Variants in GNAI2 observed in about 807,000 individuals in gnomAD.
GNAI2 encodes the protein G protein subunit alpha i2.
GNAI2 carries 4 observed loss-of-function variants against 36.8 expected under a neutral mutation model. The ratio of observed to expected loss-of-function variants is 0.11; its 90% CI spans 0.05 to 0.25. The LOEUF (loss-of-function observed/expected upper bound fraction) is 0.25, where lower values mean the gene tolerates loss of function less well. Among genes scored for constraint, GNAI2 ranks in the 10% least tolerant of loss-of-function variants. GNAI2 has a pLI of 1.00. For missense variants in GNAI2, 230 were observed against 481.3 expected, an observed-to-expected ratio of 0.48 and a Z score of 4.89; for synonymous variants, 194 against 194.1, an observed-to-expected ratio of 1.00 and a Z score of 0.01.
At chr3:50,231,680 G>A (rs781918478), upstream of GNAI2, among the ~76,000 whole-genome samples, 1 of 152,218 alleles carries the variant, frequency 6.6e-6, no homozygotes, top group African/African-American at 2.4e-5. Context: ...ATCTGGCTGG[G>A]GAAGGGGAAG....
At chr3:50,246,965 T>C in intron 1 of GNAI2, 1 of 1,507,024 alleles carries the variant, frequency 6.6e-7, no homozygotes, top group Non-Finnish European at 8.9e-7. Flanking sequence ...AATCAGCCTG[T>C]TAGCCGCTGT....
intron 1 of GNAI2, chr3:50,251,557 G>A (rs1453663825): frequency 3.9e-5 from 46 of 1,190,008 alleles, no homozygotes; most frequent in Non-Finnish European, 4.7e-5. Flanking sequence ...AGCGCAGTGA[G>A]CAGAGGGCGG....
intron 1 of GNAI2, among the ~76,000 whole-genome samples, chr3:50,249,230 C>A (rs781966351): frequency 6.6e-6 from 1 of 152,154 alleles, no homozygotes; most frequent in Admixed American, 6.5e-5. Context: ...TCCTGCAGTT[C>A]CCCCCATCCT....
intron 1 of GNAI2, chr3:50,251,898 C>T: frequency 1.0e-6 from 1 of 979,648 alleles, no homozygotes; most frequent in Non-Finnish European, 1.4e-6. Context: ...CACAGGTGCT[C>T]TAGGTTACCT....
At position 50,256,173 on chromosome 3, in the gene GNAI2, T is replaced by TTC; in HGVS notation, c.465-19_465-18insTC. 1.2e-5 allele frequency: 6 copies of TTC among 517,098 alleles called. No individual in the cohort carries two copies. Among genetic ancestry groups the TTC allele is most frequent in the Admixed American group, 8.9e-5 (3 of 33,542 alleles). 32.0% of individuals were successfully genotyped at this position (517,098 alleles called of 1,614,324 possible). On this transcript the variant is annotated intron_variant, in intron 4 of 8. Coordinates refer to ENST00000313601, the MANE Select transcript of GNAI2 (RefSeq NM_002070.4). The stretch of plus-strand genomic sequence containing the variant: ...GCCCCATGCTGGCCCCCACTGACCC[T>TTC]CCCACCCCCCATCCCCAGCTACCTG...
chr3:50,233,072 A>C (rs1553699953), upstream of GNAI2, among the ~76,000 whole-genome samples: 1 of 151,822 alleles, frequency 6.6e-6, no homozygotes, highest in East Asian at 1.9e-4. Context: ...CTGAGCCCCC[A>C]GAGTGGGAGG....
intron 1 of GNAI2, among the ~76,000 whole-genome samples, chr3:50,243,442 C>T (rs1347672516): frequency 6.6e-6 from 1 of 152,270 alleles, no homozygotes; most frequent in African/African-American, 2.4e-5. Flanking sequence ...AATGCAGCAA[C>T]AGCCCCGAGA....
intron 1 of GNAI2, chr3:50,251,785 T>C: frequency 7.6e-7 from 1 of 1,310,150 alleles, no homozygotes. Context: ...GGCTCCTTCA[T>C]GGCTGGCCAA....
At chr3:50,229,697 T>A (rs1700041155), upstream of GNAI2, 1 of 152,464 alleles carries the variant, frequency 6.6e-6, no homozygotes, top group Non-Finnish European at 1.5e-5. Flanking sequence ...CACTCTCTTC[T>A]GGCTTGTTAC....
Position 50,252,734 on chromosome 3 carries a change from C to T in GNAI2, c.303+196C>T, listed in dbSNP as rs1700593505. On this transcript the variant is annotated intron_variant, in intron 3 of 8. Coordinates refer to ENST00000313601, the MANE Select transcript of GNAI2 (RefSeq NM_002070.4). This position sits in a 1 kb window ranked among gnomAD's most constrained non-coding sequence, Gnocchi z 4.1. ...CAAAAATTAGCCGAGCATGGTGGCA[C>T]GTGCCTGTAATCCCAGCTACTTGGG... 3.3e-5 allele frequency among the ~76,000 whole-genome samples: 5 copies of T among 152,238 alleles called. No individual in the cohort carries two copies. The highest frequency in any genetic ancestry group is 3.4e-3 in the Middle Eastern group (1 of 294).
rs1553700662 is a variant in GNAI2, at chr3:50,238,640, G to A, written c.118+2187G>A. ...CCTGGTGGTTCTTGTTGGGGATGTA[G>A]GTTGGGAGTAAAGACCCTGCAGTGT... On this transcript the variant is annotated intron_variant, in intron 1 of 8. Coordinates refer to ENST00000313601, the MANE Select transcript of GNAI2 (RefSeq NM_002070.4). The surrounding 1 kb of genome is among the most constrained non-coding windows in gnomAD (Gnocchi z 5.0). 6.6e-6 allele frequency among the ~76,000 whole-genome samples: 1 copy of A among 152,248 alleles called. No individual in the cohort carries two copies. The highest frequency in any genetic ancestry group is 2.4e-5 in the African/African-American group (1 of 41,460).
intron 8 of GNAI2, 84 bp downstream of exon 8, chr3:50,257,798 G>T: frequency 1.7e-6 from 1 of 602,928 alleles, no homozygotes; most frequent in East Asian, 3.6e-5. Context: ...GGGTGGGTAG[G>T]GGGGTGAACC....
rs1193214784 is a variant in GNAI2, at chr3:50,242,482, G to A, written c.118+6029G>A. Among the ~76,000 whole-genome samples, 1 of 152,148 alleles carries A rather than the reference G, an allele frequency of 6.6e-6. No homozygotes were observed. The highest frequency in any genetic ancestry group is 2.4e-5 in the African/African-American group (1 of 41,434). On this transcript the variant is annotated intron_variant, in intron 1 of 8. Transcript: ENST00000313601. The surrounding 1 kb of genome is among the most constrained non-coding windows in gnomAD (Gnocchi z 4.8). ...GGGAAGGCAAAGGATTGGGCCCTTTGATGGTGTCCCTGGTACCTGATGCTC... is the reference window on the plus strand; with the variant it reads ...GGGAAGGCAAAGGATTGGGCCCTTTAATGGTGTCCCTGGTACCTGATGCTC...
At chr3:50,233,892 C>CTTTTT (rs11313623), upstream of GNAI2, among the ~76,000 whole-genome samples, 3 of 110,226 alleles carry the variant, frequency 2.7e-5, no homozygotes, top group Admixed American at 1.0e-4. Context: ...TAACAAGGTT[C>CTTTTT]TTTTTTTTTT....
upstream of GNAI2, chr3:50,227,252 C>T: frequency 2.0e-6 from 2 of 1,014,172 alleles, no homozygotes; most frequent in Non-Finnish European, 2.7e-6. The surrounding 1 kb of genome is among the most constrained non-coding windows in gnomAD (Gnocchi z 5.9). Flanking sequence ...CCGCGCGGGG[C>T]AAGGGGGATG....
upstream of GNAI2, among the ~76,000 whole-genome samples, chr3:50,231,686 G>T (rs1700070364): frequency 6.6e-6 from 1 of 152,214 alleles, no homozygotes; most frequent in Admixed American, 6.5e-5. Context: ...CTGGGGAAGG[G>T]GAAGCCCGAG....
At chr3:50,248,245 T>C (rs57319506) in intron 1 of GNAI2, among the ~76,000 whole-genome samples, 14,397 of 151,958 alleles carry the variant, frequency 0.095, 711 homozygotes, top group Middle Eastern at 0.11. Context: ...AGAGCGAGAC[T>C]GTGTTTCAAA....
intron 1 of GNAI2, among the ~76,000 whole-genome samples, chr3:50,248,881 ACTG>A (rs1553702064): frequency 6.6e-6 from 1 of 152,036 alleles, no homozygotes; most frequent in Non-Finnish European, 1.5e-5. Flanking sequence ...TCCTAGTGTG[ACTG>A]GCTCTGTGCT....
In GNAI2 at chr3:50,255,527, C is replaced by T. The variant is rs1700671050; in HGVS notation, c.465-665C>T. 6.6e-6 allele frequency among the ~76,000 whole-genome samples: 1 copy of T among 152,216 alleles called. No homozygotes were observed. The highest frequency in any genetic ancestry group is 1.5e-5 in the Non-Finnish European group (1 of 68,030). On this transcript the variant is annotated intron_variant, in intron 4 of 8. Transcript: ENST00000313601. This position sits in a 1 kb window ranked among gnomAD's most constrained non-coding sequence, Gnocchi z 4.0. ...GCCCATTAGCATCCTGAATCCTTCA[C>T]CGAAGGACTAATTTGCCTCCTCCCA... is the stretch of plus-strand genomic sequence containing the variant.
Sources: allele counts gnomAD v4.1 joint callset (sites outside exome capture counted in the v4.1 genomes callset), GRCh38; gene constraint gnomAD v4.1.1; non-coding constraint Gnocchi (gnomAD v3.1); transcripts MANE v1.5; gene names NCBI Gene and HGNC (gene_info 2026-07-23, HGNC 2026-07-21).